Variants in SYNRG observed in about 807,000 individuals in gnomAD.
SYNRG encodes the protein synergin gamma, also known as AP1 gamma subunit binding protein 1.
A neutral mutation model predicts 130.9 loss-of-function variants in SYNRG; 37 were observed. The ratio of observed to expected loss-of-function variants is 0.28; its 90% confidence interval spans 0.22 to 0.37. The LOEUF is 0.37. SYNRG is among the 10% of genes least tolerant of loss of function. The pLI is 1.00. For missense variants in SYNRG, 1,338 were observed against 1,588.9 expected (o/e 0.84, Z 2.68); for synonymous variants, 539 against 568.1 (o/e 0.95, Z 0.73).
intron 11 of SYNRG, among the ~76,000 whole-genome samples, chr17:37,564,346 C>G (rs1758113544): frequency 6.6e-6 from 1 of 152,146 alleles, no homozygotes; most frequent in Non-Finnish European, 1.5e-5. Flanking sequence ...CCGAGTCTAG[C>G]CAATTTCTCA....
intron 2 of SYNRG, among the ~76,000 whole-genome samples, chr17:37,599,157 C>T (rs551039498): frequency 3.3e-5 from 5 of 152,278 alleles, no homozygotes; most frequent in East Asian, 3.9e-4. Context: ...AACCAATCAA[C>T]GCTGGCTTTT....
At chr17:37,538,110 G>A (rs534328048) in intron 18 of SYNRG, among the ~76,000 whole-genome samples, 5 of 152,270 alleles carry the variant, frequency 3.3e-5, no homozygotes, top group East Asian at 3.9e-4. Context: ...TTGCTATTAC[G>A]TATATAACAA....
chr17:37,580,573 C>T (rs1568467826), intron 6 of SYNRG, among the ~76,000 whole-genome samples: 1 of 151,538 alleles, frequency 6.6e-6, no homozygotes, highest in Non-Finnish European at 1.5e-5. Context: ...GTTGCTCTGT[C>T]GCCCAGACTT....
intron 11 of SYNRG, among the ~76,000 whole-genome samples, chr17:37,566,540 T>C (rs1422900301): frequency 1.3e-5 from 2 of 148,572 alleles, no homozygotes. Context: ...CAGAGACCTT[T>C]GTTCACTTGT....
At chr17:37,604,784 T>C (rs2063602294) in intron 1 of SYNRG, among the ~76,000 whole-genome samples, 1 of 152,166 alleles carries the variant, frequency 6.6e-6, no homozygotes, top group Non-Finnish European at 1.5e-5. Context: ...TTCCTTTCAC[T>C]TGAACACTTA....
intron 11 of SYNRG, among the ~76,000 whole-genome samples, chr17:37,563,043 T>C (rs573981487): frequency 3.5e-4 from 54 of 152,260 alleles, no homozygotes; most frequent in African/African-American, 1.1e-3. Flanking sequence ...TGCTTGCTGA[T>C]TAAAGTCAAC....
chr17:37,563,733 C>G (rs2059712966), intron 11 of SYNRG, among the ~76,000 whole-genome samples: 1 of 151,978 alleles, frequency 6.6e-6, no homozygotes, highest in African/African-American at 2.4e-5. Context: ...GATGGCATTT[C>G]CATAGGTTGT....
chr17:37,583,017 G>C (rs1483794826), intron 6 of SYNRG, among the ~76,000 whole-genome samples: 1 of 150,988 alleles, frequency 6.6e-6, no homozygotes, highest in Non-Finnish European at 1.5e-5. Flanking sequence ...TTGAGATGGA[G>C]TCTCACTCTG....
At position 37,542,426 on chromosome 17, in the gene SYNRG, T is replaced by G. The variant is rs779875396; in HGVS notation, c.2748A>C (p.Gly916=). 1 of 1,614,188 alleles carries G rather than the reference T, an allele frequency of 6.2e-7. No homozygotes were observed. The highest frequency in any genetic ancestry group is 8.5e-7 in the Non-Finnish European group (1 of 1,180,042). The part of the protein sequence containing the change: ...RKLSPFVLSA[G]SGSPSATSIL... ...TTGAGGTGGCTGAGGGGGATCCACT[T>G]CCTGCTGAGAGGACAAATGGAGAGA... The change falls in exon 15 of 22, where the codon GGA becomes GGC. Residue 916 remains glycine (G), a synonymous_variant. Transcript: ENST00000612223.
At chr17:37,537,656 AT>A (rs2144690701) in intron 18 of SYNRG, among the ~76,000 whole-genome samples, 1 of 152,294 alleles carries the variant, frequency 6.6e-6, no homozygotes, top group East Asian at 1.9e-4. Flanking sequence ...GAAAAGAATA[AT>A]AAGTAACATA....
chr17:37,574,603 G>A (rs2060666739), intron 8 of SYNRG, among the ~76,000 whole-genome samples: 1 of 152,062 alleles, frequency 6.6e-6, no homozygotes, highest in African/African-American at 2.4e-5. Flanking sequence ...AACTGAACAG[G>A]CATTTCTCAA....
intron 14 of SYNRG, among the ~76,000 whole-genome samples, chr17:37,550,608 G>C (rs1288944248): frequency 2.0e-5 from 3 of 151,776 alleles, no homozygotes; most frequent in South Asian, 4.1e-4. Context: ...ATGCAGATCA[G>C]TATTTGCAGA....
chr17:37,582,052 C>T (rs776123997), intron 6 of SYNRG, among the ~76,000 whole-genome samples: 5 of 152,078 alleles, frequency 3.3e-5, no homozygotes, highest in Non-Finnish European at 7.4e-5. Context: ...CTTGAGCAAC[C>T]GCACCTGGCC....
intron 18 of SYNRG, 30 bp downstream of exon 18, chr17:37,538,293 AT>A: frequency 6.7e-7 from 1 of 1,498,514 alleles, no homozygotes; most frequent in Non-Finnish European, 9.1e-7. Flanking sequence ...AAGGGCCATC[AT>A]TTTCAATAGT....
At chr17:37,550,428 T>G (rs1598281408) in intron 14 of SYNRG, among the ~76,000 whole-genome samples, 2 of 152,302 alleles carry the variant, frequency 1.3e-5, no homozygotes, top group East Asian at 3.9e-4. Flanking sequence ...TACTATTGCT[T>G]TAAACTTGGT....
intron 19 of SYNRG, among the ~76,000 whole-genome samples, chr17:37,533,573 CTTTCT>C (rs1185099620): frequency 1.3e-4 from 20 of 148,832 alleles, no homozygotes; most frequent in African/African-American, 4.9e-4. Flanking sequence ...ATTATATTTT[CTTTCT>C]TTTCTTTTTC....
rs543493542 is a variant in SYNRG at position 37,538,661 on chromosome 17, T to C, written c.3421-241A>G. ...CACAGGTTGGAGTGCAGTGGCAAGATCTCGGCTCACTGAACCCCTGACTCC... is the reference window on the plus strand; with the variant it reads ...CACAGGTTGGAGTGCAGTGGCAAGACCTCGGCTCACTGAACCCCTGACTCC... On this transcript the variant is annotated intron_variant, in intron 17 of 21. Transcript: ENST00000612223. Among the ~76,000 whole-genome samples, 12 of 152,380 alleles carry C rather than the reference T, an allele frequency of 7.9e-5. No individual in the cohort carries two copies. The East Asian group carries it at 2.1e-3, about 27-fold the overall frequency.
At chr17:37,600,436 C>T (rs368927455) in intron 1 of SYNRG, 33 bp from the exon 2 acceptor site, 28 of 1,603,426 alleles carry the variant, frequency 1.7e-5, no homozygotes, top group Non-Finnish European at 2.3e-5. Flanking sequence ...TTATAATCTT[C>T]GTATGTACAA....
rs1044798019 is a variant in SYNRG at position 37,595,907 on chromosome 17, A to T, written c.240+316T>A. On this transcript the variant is annotated intron_variant, in intron 3 of 21. Coordinates refer to ENST00000612223, the MANE Select transcript of SYNRG (RefSeq NM_007247.6). ...GTAGCTGGGACTACAGGCACATGCC[A>T]CCACGCCCAGGTAATTTTTGTATTT... Among the ~76,000 whole-genome samples the T allele has an allele frequency of 3.3e-5, 5 of 152,220 alleles. No individual in the cohort carries two copies. In the South Asian group the frequency reaches 8.3e-4, roughly 25 times the overall value.
Sources: allele counts gnomAD v4.1 joint callset (sites outside exome capture counted in the v4.1 genomes callset), GRCh38; gene constraint gnomAD v4.1.1; transcripts MANE v1.5; gene names NCBI Gene and HGNC (gene_info 2026-07-23, HGNC 2026-07-21).